Variants in CTDSP2 observed in about 807,000 individuals in gnomAD.
The protein encoded by CTDSP2 is carboxy-terminal domain RNA polymerase II polypeptide A small phosphatase 2.
Under a neutral mutation model 31.6 loss-of-function variants are expected in CTDSP2, and 9 were observed. The ratio of observed to expected loss-of-function variants is 0.28; its 90% CI spans 0.17 to 0.50. CTDSP2 has a LOEUF of 0.50. Among genes scored for constraint, CTDSP2 ranks in the 20% least tolerant of loss-of-function variants. The probability of loss-of-function intolerance (pLI) is 0.98; values close to 1 mark genes in which losing one functional copy is unlikely to be tolerated. For synonymous variants in CTDSP2, 134 were observed against 134.5 expected, an observed-to-expected ratio of 1.00 and a Z score of 0.03; for missense variants, 267 against 348.5, an observed-to-expected ratio of 0.77 and a Z score of 1.86.
chr12:57,826,361 C>G lies in CTDSP2; in HGVS notation c.396G>C (p.Glu132Asp), dbSNP rs780894928. 1 of 1,613,962 alleles carries G rather than the reference C, an allele frequency of 6.2e-7. No individual in the cohort carries two copies. The highest frequency in any genetic ancestry group is 1.3e-5 in the African/African-American group (1 of 74,920). Residue 132 changes from glutamate (E) to aspartate (D), a missense_variant, in exon 5 of 8, where the codon GAG (glutamate) becomes GAC (aspartate). By Grantham distance (45) the Glu-to-Asp change is conservative (BLOSUM62 2). This residue lies in a region of CTDSP2 where 156 missense variants were observed against 241.3 expected (regional missense o/e 0.65). Transcript: ENST00000398073. Reference protein sequence around the residue: ...NADFIVPIEIEGTTHQVYVLK... With the variant: ...NADFIVPIEIDGTTHQVYVLK... ...GGCAGCTCACCTGGTGAGTGGTCCC[C>G]TCAATCTCTATAGGCACTATGAAGT...
chr12:57,831,194 G>T (rs532155470), intron 1 of CTDSP2, among the ~76,000 whole-genome samples: 1 of 150,206 alleles, frequency 6.7e-6, no homozygotes, highest in Non-Finnish European at 1.5e-5. Context: ...GGTGGCTCAC[G>T]CCTGTAATCC....
At chr12:57,832,639 A>T (rs1361461284) in intron 1 of CTDSP2, among the ~76,000 whole-genome samples, 1 of 151,922 alleles carries the variant, frequency 6.6e-6, no homozygotes, top group Non-Finnish European at 1.5e-5. Flanking sequence ...TAAAAATACA[A>T]AAAGTAGCCG....
intron 1 of CTDSP2, among the ~76,000 whole-genome samples, chr12:57,833,123 G>A (rs1956226883): frequency 6.6e-6 from 1 of 152,216 alleles, no homozygotes. Context: ...AGGCCGTCAG[G>A]AATGCACTCA....
rs796710842 is a variant in CTDSP2, at chr12:57,823,068, G to A, written c.*534C>T. The A allele has an allele frequency of 6.4e-6, 1 of 156,562 alleles. No individual in the cohort carries two copies. The highest frequency in any genetic ancestry group is 6.1e-5 in the Admixed American group (1 of 16,368). The allele number at this position is 156,562 out of a possible 1,614,324, so 9.7% of individuals were successfully genotyped here. A position where few individuals can be genotyped will look rare whatever the true frequency, so the allele number is the denominator to read the frequency against. ...AACAAGTTCTCATCTTCCCAGAAAT[G>A]TGATCTTTTGTCTGCAGCAGCTGGC... is the stretch of plus-strand genomic sequence containing the variant. On this transcript the variant is annotated 3_prime_UTR_variant, in exon 8 of 8. Transcript: ENST00000398073.
intron 5 of CTDSP2, 40 bp downstream of exon 5, chr12:57,826,306 C>T (rs937686020): frequency 1.9e-6 from 3 of 1,602,792 alleles, no homozygotes; most frequent in African/African-American, 1.3e-5. Flanking sequence ...AGGCAGACCC[C>T]CCACCCTCTG....
At chr12:57,845,444 G>A (rs1157873420) in intron 1 of CTDSP2, 1 of 152,102 alleles carries the variant, frequency 6.6e-6, no homozygotes, top group Non-Finnish European at 1.5e-5. Flanking sequence ...CCTCACCCCC[G>A]CGAGGGCCTG....
At chr12:57,831,567 A>G (rs2140477958) in intron 1 of CTDSP2, among the ~76,000 whole-genome samples, 1 of 152,366 alleles carries the variant, frequency 6.6e-6, no homozygotes, top group South Asian at 2.1e-4. Context: ...GTGGCACTGC[A>G]CAACCACTCA....
intron 1 of CTDSP2, among the ~76,000 whole-genome samples, chr12:57,835,123 CAAAA>C (rs1370274148): frequency 1.0e-5 from 1 of 95,938 alleles, no homozygotes. Flanking sequence ...AATTCCATCT[CAAAA>C]AAAAAAAAAA....
chr12:57,823,955 G>A lies in CTDSP2; in HGVS notation c.639C>T (p.Thr213=), dbSNP rs192597051. Reference sequence around the variant, plus strand: ...AAGCAGGCGAGTTGTCCAGGATGAGGGTCTTTCTCAGGTCCCTCCCCAGGC... The same window carrying A: ...AAGCAGGCGAGTTGTCCAGGATGAGAGTCTTTCTCAGGTCCCTCCCCAGGC... ...LSRLGRDLRK[T]LILDNSPASY... is the part of the protein sequence containing the mutation. Residue 213 remains threonine (T), a synonymous_variant, in exon 7 of 8, where the codon ACC becomes ACT. Transcript: ENST00000398073. The A allele has an allele frequency of 3.7e-6, 6 of 1,614,078 alleles. No homozygotes were observed. The highest frequency in any genetic ancestry group is 5.1e-6 in the Non-Finnish European group (6 of 1,180,014).
intron 1 of CTDSP2, among the ~76,000 whole-genome samples, chr12:57,832,142 G>GCT (rs150588369): frequency 9.9e-5 from 15 of 151,834 alleles, no homozygotes; most frequent in Non-Finnish European, 1.9e-4. Context: ...TTGCGCGCAT[G>GCT]CTCTCTCTCT....
chr12:57,842,269 T>C (rs1468035250), intron 1 of CTDSP2: 1 of 152,258 alleles, frequency 6.6e-6, no homozygotes, highest in Non-Finnish European at 1.5e-5. Flanking sequence ...GTTGGGAGCA[T>C]CAATTCACGT....
At chr12:57,840,051 A>G in intron 1 of CTDSP2, among the ~76,000 whole-genome samples, 1 of 152,160 alleles carries the variant, frequency 6.6e-6, no homozygotes, top group East Asian at 1.9e-4. Context: ...AACATACAGT[A>G]AAACGGGACC....
rs1956146340 is a variant in CTDSP2 at position 57,821,735 on chromosome 12, A to T, written c.*1867T>A. On this transcript the variant is annotated 3_prime_UTR_variant, in exon 8 of 8. Transcript: ENST00000398073. The stretch of plus-strand genomic sequence containing the variant: ...TCCTTCTCCCTTTAGGTACACCGGG[A>T]CCCCATAGGCACCGGGGAGTGATGC... The T allele has an allele frequency of 6.6e-6, 1 of 152,116 alleles. No homozygotes were observed. Among genetic ancestry groups the T allele is most frequent in the South Asian group, 2.1e-4 (1 of 4,822 alleles). The allele number at this position is 152,116 out of a possible 1,614,324, so 9.4% of individuals were successfully genotyped here.
chr12:57,835,171 A>T, intron 1 of CTDSP2, among the ~76,000 whole-genome samples: 1 of 151,674 alleles, frequency 6.6e-6, no homozygotes, highest in Non-Finnish European at 1.5e-5. Flanking sequence ...TCTACTAAAA[A>T]TACAAAATTA....
intron 2 of CTDSP2, among the ~76,000 whole-genome samples, chr12:57,829,108 A>G (rs987601489): frequency 7.9e-5 from 12 of 152,214 alleles, no homozygotes; most frequent in Non-Finnish European, 1.5e-4. Flanking sequence ...ACATAAATCC[A>G]TATCTGCAAA....
At chr12:57,824,554 A>G in intron 5 of CTDSP2, 1 of 666,462 alleles carries the variant, frequency 1.5e-6, no homozygotes, top group Admixed American at 1.9e-5. Context: ...TGGCTCAGGA[A>G]GAAGCGCACA....
intron 1 of CTDSP2, among the ~76,000 whole-genome samples, chr12:57,843,634 C>T (rs1189274385): frequency 6.6e-6 from 1 of 152,122 alleles, no homozygotes; most frequent in Non-Finnish European, 1.5e-5. Context: ...ATAATAAGTA[C>T]CTCACACTCC....
chr12:57,832,391 A>G (rs962417108), intron 1 of CTDSP2, among the ~76,000 whole-genome samples: 1 of 151,972 alleles, frequency 6.6e-6, no homozygotes, highest in African/African-American at 2.4e-5. Context: ...CCAGCACTCA[A>G]AGAGTCCAGG....
intron 2 of CTDSP2, among the ~76,000 whole-genome samples, chr12:57,828,855 T>C (rs894423263): frequency 2.0e-5 from 3 of 152,206 alleles, no homozygotes; most frequent in African/African-American, 7.2e-5. Flanking sequence ...ATACTAGACA[T>C]ATAAAAAATA....
Sources: gnomAD v4.1 joint callset for allele counts (sites outside exome capture counted in the v4.1 genomes callset) on GRCh38, gnomAD v4.1.1 for gene constraint, gnomAD v4.1.1 regional missense constraint, MANE v1.5 for transcripts, NCBI Gene and HGNC (gene_info 2026-07-23, HGNC 2026-07-21) for gene names.